Variants in MOXD1 observed in about 807,000 individuals in gnomAD.
MOXD1 encodes DBH-like monooxygenase protein 1.
MOXD1 carries 62 observed loss-of-function variants against 66.6 expected under a neutral mutation model. The ratio of observed to expected loss-of-function variants is 0.93; its 90% confidence interval spans 0.76 to 1.15. The LOEUF is 1.15. Among genes scored for constraint, MOXD1 ranks in the 50% most tolerant of loss-of-function variants. The pLI is 0.00. For synonymous variants in MOXD1, 303 were observed against 281.9 expected, an observed-to-expected ratio of 1.07 and a Z score of -0.75; for missense variants, 847 against 754.6, an observed-to-expected ratio of 1.12 and a Z score of -1.44.
chr6:132,401,336 G>A lies in MOXD1; in HGVS notation c.91C>T (p.Leu31=), dbSNP rs1236231179. Residue 31 remains leucine (L), a synonymous_variant, in exon 1 of 12, where the codon CTG becomes TTG. Coordinates refer to ENST00000367963, the MANE Select transcript of MOXD1 (RefSeq NM_015529.4). ...SGRTYPHRTL[L]DSEGKYWLGW... ...AGCCAGTACTTGCCCTCCGAGTCCA[G>A]GAGGGTCCGGTGCGGATAGGTTCGG... 3 of 1,583,392 alleles carry A rather than the reference G, an allele frequency of 1.9e-6. No homozygotes were observed. The highest frequency in any genetic ancestry group is 2.3e-5 in the South Asian group (2 of 87,286).
At chr6:132,349,279 T>C (rs1224814594) in intron 4 of MOXD1, among the ~76,000 whole-genome samples, 1 of 150,378 alleles carries the variant, frequency 6.6e-6, no homozygotes, top group African/African-American at 2.4e-5. Flanking sequence ...TAGTCTCCAG[T>C]CTCATCCAGG....
At chr6:132,393,698 GA>G (rs1245354463) in intron 1 of MOXD1, among the ~76,000 whole-genome samples, 1 of 152,100 alleles carries the variant, frequency 6.6e-6, no homozygotes, top group Non-Finnish European at 1.5e-5. Flanking sequence ...GTGCCATTAT[GA>G]AAGCCCCGCC....
chr6:132,312,795 A>G (rs79775126), intron 10 of MOXD1, among the ~76,000 whole-genome samples: 8,995 of 151,450 alleles, frequency 0.059, 314 homozygotes, highest in African/African-American at 0.077. Flanking sequence ...GAGGCTTCAT[A>G]CCATTTAAAC....
intron 1 of MOXD1, among the ~76,000 whole-genome samples, chr6:132,381,858 A>T (rs2114676991): frequency 6.6e-6 from 1 of 152,286 alleles, no homozygotes; most frequent in South Asian, 2.1e-4. Context: ...GATACTTAAG[A>T]AAACTTCCTA....
intron 1 of MOXD1, chr6:132,392,201 G>A: frequency 6.3e-7 from 1 of 1,590,748 alleles, no homozygotes; most frequent in Non-Finnish European, 8.6e-7. Context: ...TTTCAAATCA[G>A]TTCCAAGCAC....
At position 132,297,823 on chromosome 6, in the gene MOXD1, A is replaced by T. The variant is rs1774443137; in HGVS notation, c.1641T>A (p.Asn547Lys). Residue 547 changes from asparagine (N) to lysine (K), a missense_variant, in exon 11 of 12, where the codon AAT (asparagine) becomes AAA (lysine). Transcript: ENST00000367963. Reference protein sequence around the residue: ...FNKLVLSLPVNVRCSKTDNAE... With the variant: ...FNKLVLSLPVKVRCSKTDNAE... Reference sequence around the variant, plus strand: ...CATTGTCTGTCTTGGAACATCTCACATTCACTGGCAGGCTGAGGACCAGCT... The same window carrying T: ...CATTGTCTGTCTTGGAACATCTCACTTTCACTGGCAGGCTGAGGACCAGCT... 6.2e-7 allele frequency: 1 copy of T among 1,612,678 alleles called. No homozygotes were observed.
intron 6 of MOXD1, chr6:132,325,136 T>A (rs757360517): frequency 5.9e-5 from 9 of 152,168 alleles, no homozygotes; most frequent in Non-Finnish European, 1.3e-4. Context: ...TCCTGCTTCA[T>A]GAGTTTGTAA....
chr6:132,315,220 C>T (rs1026080928), intron 10 of MOXD1, among the ~76,000 whole-genome samples: 1 of 152,214 alleles, frequency 6.6e-6, no homozygotes, highest in Non-Finnish European at 1.5e-5. Flanking sequence ...CAATAGACAA[C>T]ATTCCATACA....
At chr6:132,359,703 G>A (rs1370146485) in intron 4 of MOXD1, among the ~76,000 whole-genome samples, 1 of 151,494 alleles carries the variant, frequency 6.6e-6, no homozygotes, top group Admixed American at 6.6e-5. Context: ...AGCCAGGATG[G>A]TCTCCATCTC....
At chr6:132,329,416 G>T (rs900694069) in intron 4 of MOXD1, among the ~76,000 whole-genome samples, 9 of 152,116 alleles carry the variant, frequency 5.9e-5, no homozygotes, top group Non-Finnish European at 1.2e-4. Flanking sequence ...ATTGTGAACA[G>T]TGCCGGAATA....
intron 1 of MOXD1, chr6:132,392,187 G>C (rs1179936076): frequency 6.3e-7 from 1 of 1,576,410 alleles, no homozygotes; most frequent in East Asian, 2.3e-5. Flanking sequence ...ACTGTTTTCT[G>C]TGATTTCAAA....
intron 4 of MOXD1, among the ~76,000 whole-genome samples, chr6:132,346,539 G>A (rs1027552692): frequency 2.6e-5 from 4 of 152,120 alleles, no homozygotes; most frequent in African/African-American, 9.7e-5. Context: ...GCTTCATGCA[G>A]AATTCTATGT....
At chr6:132,348,703 A>G (rs146954182) in intron 4 of MOXD1, among the ~76,000 whole-genome samples, 1,755 of 152,340 alleles carry the variant, frequency 0.012, 43 homozygotes, top group African/African-American at 0.04. Context: ...CACAACCTGC[A>G]TAAGTTTTCA....
chr6:132,386,448 A>AAC (rs1562300143), intron 1 of MOXD1, among the ~76,000 whole-genome samples: 2 of 110,756 alleles, frequency 1.8e-5, no homozygotes, highest in African/African-American at 1.2e-4. Flanking sequence ...AAAAAAAACA[A>AAC]AAAAAAAACG....
At position 132,315,766 on chromosome 6, in the gene MOXD1, G is replaced by A; in HGVS notation, c.1377C>T (p.Ser459=). 1 of 1,613,280 alleles carries A rather than the reference G, an allele frequency of 6.2e-7. No homozygotes were observed. Among genetic ancestry groups the A allele is most frequent in the Non-Finnish European group, 8.5e-7 (1 of 1,179,566 alleles). The change falls in exon 10 of 12, where the codon AGC becomes AGT. Residue 459 remains serine, a synonymous_variant. Transcript: ENST00000367963. ...ATGAGAGACACATTTCACTCCTGGT[G>A]CTTAGTCCTCCCTGAAAACAGATAG... ...DRAEMTWGGL[S]TRSEMCLSYL... is the part of the protein sequence containing the mutation.
chr6:132,383,321 A>G (rs962652359), intron 1 of MOXD1, among the ~76,000 whole-genome samples: 3 of 152,222 alleles, frequency 2.0e-5, no homozygotes, highest in Non-Finnish European at 2.9e-5. Flanking sequence ...AGCTGATCTT[A>G]ATAAGTTATT....
chr6:132,386,667 G>C lies in MOXD1; in HGVS notation c.265-11890C>G, dbSNP rs539897615. Among the ~76,000 whole-genome samples, 193 of 151,528 alleles carry C rather than the reference G, an allele frequency of 1.3e-3. 8 individuals are homozygous for C. Among genetic ancestry groups the C allele is most frequent in the Non-Finnish European group, 2.4e-3 (161 of 67,676 alleles). On this transcript the variant is annotated intron_variant, in intron 1 of 11. Coordinates refer to ENST00000367963, the MANE Select transcript of MOXD1 (RefSeq NM_015529.4). ...AGCATCACACGTAAGTTGGAAGACA[G>C]GCTGAAGGAAACCTAATCCCAGCTC...
intron 4 of MOXD1, among the ~76,000 whole-genome samples, chr6:132,361,883 C>A (rs554191295): frequency 1.3e-5 from 2 of 151,762 alleles, no homozygotes; most frequent in Non-Finnish European, 2.9e-5. Flanking sequence ...GTTAAATGAC[C>A]CAAAGAAAGT....
At chr6:132,327,319 G>A (rs1210300113) in intron 6 of MOXD1, among the ~76,000 whole-genome samples, 1 of 151,868 alleles carries the variant, frequency 6.6e-6, no homozygotes, top group African/African-American at 2.4e-5. Context: ...TTTCTGTAAG[G>A]GTGAGAACAG....
Sources: allele counts gnomAD v4.1 joint callset (sites outside exome capture counted in the v4.1 genomes callset), GRCh38; gene constraint gnomAD v4.1.1; transcripts MANE v1.5; gene names NCBI Gene and HGNC (gene_info 2026-07-23, HGNC 2026-07-21).